Variants in GBP1 observed in about 807,000 individuals in gnomAD.
GBP1 encodes the protein guanylate binding protein 1.
Under a neutral mutation model 69.5 loss-of-function variants are expected in GBP1, and 64 were observed. The observed-to-expected ratio is 0.92, with a 90% CI of 0.75 to 1.13. GBP1 has a LOEUF of 1.13. GBP1 is among the 50% of genes most tolerant of loss of function. GBP1 has a pLI of 0.00. For synonymous variants in GBP1, 250 were observed against 261.2 expected, an observed-to-expected ratio of 0.96 and a Z score of 0.41; for missense variants, 630 against 704.1, an observed-to-expected ratio of 0.89 and a Z score of 1.19.
At position 89,056,201 on chromosome 1, in the gene GBP1, A is replaced by C; in HGVS notation, c.1183T>G (p.Phe395Val). The change falls in exon 8 of 11, where the codon TTT becomes GTT. Residue 395 changes from phenylalanine to valine, a missense_variant. Transcript: ENST00000370473. ...AAQLEKKRDDFCKQNQEASSD... is the reference protein window; with the variant it reads ...AAQLEKKRDDVCKQNQEASSD... Reference sequence around the variant, plus strand: ...GATGCTTCCTGATTCTGTTTACAAAAGTCATCCCGCTTTTTTTCTAGCTGG... The same window carrying C: ...GATGCTTCCTGATTCTGTTTACAAACGTCATCCCGCTTTTTTTCTAGCTGG... The C allele has an allele frequency of 6.2e-7, 1 of 1,614,000 alleles. No homozygotes were observed. The highest frequency in any genetic ancestry group is 1.1e-5 in the South Asian group (1 of 91,076).
Position 89,059,334 on chromosome 1 carries a change from C to T in GBP1, c.411G>A (p.Gln137=), listed in dbSNP as rs752028470. 2 of 1,613,950 alleles carry T rather than the reference C, an allele frequency of 1.2e-6. No homozygotes were observed. Among genetic ancestry groups the T allele is most frequent in the Non-Finnish European group, 1.7e-6 (2 of 1,180,010 alleles). The change falls in exon 4 of 11, where the codon CAG becomes CAA. Residue 137 remains glutamine, a synonymous_variant. Transcript: ENST00000370473. Reference sequence around the variant, plus strand: ...AAGGATACTACAGTTGGTCCATAGCCTGCTGGTTGATGGTTCCTATGCTAT... The same window carrying T: ...AAGGATACTACAGTTGGTCCATAGCTTGCTGGTTGATGGTTCCTATGCTAT... The part of the protein sequence containing the change: ...VYNSIGTINQ[Q]AMDQLYYVTE...
chr1:89,058,520 C>CT (rs1284120222), intron 5 of GBP1: 8 of 516,782 alleles, frequency 1.5e-5, no homozygotes, highest in Middle Eastern at 5.1e-4. Flanking sequence ...ATGTTTTAGT[C>CT]TATGTTCTTT....
At chr1:89,064,524 A>G (rs1334399413) in intron 1 of GBP1, among the ~76,000 whole-genome samples, 2 of 152,054 alleles carry the variant, frequency 1.3e-5, no homozygotes, top group Non-Finnish European at 2.9e-5. Context: ...CTTCTAAGGG[A>G]CAGGGATCAG....
At chr1:89,063,456 A>T (rs181679804) in intron 1 of GBP1, among the ~76,000 whole-genome samples, 1 of 152,354 alleles carries the variant, frequency 6.6e-6, no homozygotes, top group East Asian at 1.9e-4. Flanking sequence ...TGACTTATCA[A>T]CACTCAACTA....
At position 89,060,276 on chromosome 1, in the gene GBP1, A is replaced by C. The variant is rs763435415; in HGVS notation, c.239T>G (p.Met80Arg). The C allele has an allele frequency of 1.2e-4, 191 of 1,603,588 alleles. No homozygotes were observed. Among genetic ancestry groups the C allele is most frequent in the Non-Finnish European group, 1.6e-4 (183 of 1,175,712 alleles). Residue 80 changes from methionine to arginine, a missense_variant, in exon 3 of 11, where the codon ATG becomes AGG. Met to Arg is a moderately conservative substitution (Grantham distance 91). Coordinates refer to ENST00000370473, the MANE Select transcript of GBP1 (RefSeq NM_002053.3). ...TVQSHTKGIW[M>R]WCVPHPKKPG... ...CTTCTTGGGGTGGGGCACACACCACATCCAGATTCCTTTAGTGTGAGACTG... is the reference window on the plus strand; with the variant it reads ...CTTCTTGGGGTGGGGCACACACCACCTCCAGATTCCTTTAGTGTGAGACTG...
chr1:89,056,301 C>A (rs1328500236), intron 7 of GBP1, 73 bp from the exon 8 acceptor site: 6 of 1,610,118 alleles, frequency 3.7e-6, no homozygotes, highest in Non-Finnish European at 5.1e-6. Context: ...ATTTTGGGAA[C>A]GATTTCTGAA....
chr1:89,055,815 A>C (rs1252269151), intron 8 of GBP1: 10 of 643,662 alleles, frequency 1.6e-5, no homozygotes, highest in Non-Finnish European at 2.4e-5. Flanking sequence ...TTTATAACTT[A>C]ATAGTTAATT....
chr1:89,059,525 T>C (rs1365529686), intron 3 of GBP1, 99 bp from the exon 4 acceptor site: 2 of 1,247,868 alleles, frequency 1.6e-6, no homozygotes, highest in Non-Finnish European at 2.2e-6. Context: ...TAGAGGGTTT[T>C]TTTTTCTTTT....
At position 89,058,151 on chromosome 1, in the gene GBP1, C is replaced by A; in HGVS notation, c.715G>T (p.Asp239Tyr). The change falls in exon 6 of 11, where the codon GAT (aspartate) becomes TAT (tyrosine). Residue 239 changes from aspartate (D) to tyrosine (Y), a missense_variant. Asp to Tyr is a radical substitution (Grantham distance 160, BLOSUM62 -3). Transcript: ENST00000370473. ...AGCTTCCTGCGGTGAACGGGCCGAT[C>A]AAAGACAAAGCATTTTTTCTTTGGG... is the stretch of plus-strand genomic sequence containing the variant. ...FFPKKKCFVF[D>Y]RPVHRRKLAQ... 1.9e-6 allele frequency: 3 copies of A among 1,614,042 alleles called. No homozygotes were observed. Among genetic ancestry groups the A allele is most frequent in the Non-Finnish European group, 2.5e-6 (3 of 1,179,956 alleles).
At chr1:89,064,037 A>G (rs1005992438) in intron 1 of GBP1, among the ~76,000 whole-genome samples, 7 of 152,188 alleles carry the variant, frequency 4.6e-5, no homozygotes, top group Non-Finnish European at 8.8e-5. Flanking sequence ...ATCAAGAGGC[A>G]GATAAAGAGA....
At chr1:89,058,293 C>A in intron 5 of GBP1, 59 bp from the exon 6 acceptor site, 2 of 1,401,104 alleles carry the variant, frequency 1.4e-6, no homozygotes, top group Non-Finnish European at 1.9e-6. Context: ...TGTAAAGGGC[C>A]AAATAGTAAA....
chr1:89,064,318 C>T lies in GBP1; in HGVS notation c.-20+842G>A, dbSNP rs190975843. ...GTGATGAATGAGGCTAGTGTCTTGACAAGGCATTCAGGGGAAGACTTTGCA... is the reference window on the plus strand; with the variant it reads ...GTGATGAATGAGGCTAGTGTCTTGATAAGGCATTCAGGGGAAGACTTTGCA... On this transcript the variant is annotated intron_variant, in intron 1 of 10. Transcript: ENST00000370473. Among the ~76,000 whole-genome samples, 14 of 150,028 alleles carry T rather than the reference C, an allele frequency of 9.3e-5. No homozygotes were observed. The East Asian group carries it at 2.8e-3, about 30-fold the overall frequency.
intron 2 of GBP1, among the ~76,000 whole-genome samples, chr1:89,061,443 T>C (rs1294774186): frequency 6.6e-6 from 1 of 152,152 alleles, no homozygotes; most frequent in Admixed American, 6.6e-5. Flanking sequence ...ACAAATGATG[T>C]TGAGGAAATG....
At chr1:89,054,606 C>CCA (rs1679995977) in intron 10 of GBP1, 76 bp downstream of exon 10, 1 of 1,330,716 alleles carries the variant, frequency 7.5e-7, no homozygotes, top group South Asian at 1.3e-5. Context: ...GTTCTCTCTG[C>CCA]CACACTAAGT....
intron 2 of GBP1, among the ~76,000 whole-genome samples, chr1:89,061,800 A>T (rs1342387394): frequency 6.6e-6 from 1 of 152,160 alleles, no homozygotes; most frequent in Non-Finnish European, 1.5e-5. Context: ...AAAAAAATTT[A>T]CAAAGCAACA....
intron 8 of GBP1, 118 bp from the exon 9 acceptor site, chr1:89,055,333 T>C: frequency 6.6e-7 from 1 of 1,515,464 alleles, no homozygotes; most frequent in African/African-American, 1.4e-5. Context: ...CTATTGTCCT[T>C]GGTGGTCAAA....
At position 89,056,124 on chromosome 1, in the gene GBP1, T is replaced by C. The variant is rs200080703; in HGVS notation, c.1260A>G (p.Glu420=). ...LLQVIFSPLE[E]EVKAGIYSKP... ...TCGAATAAATTCCCGCCTTCACTTC[T>C]TCTTCTAGAGGACTGAAAATGACCT... Residue 420 remains glutamate, a synonymous_variant, in exon 8 of 11, where the codon GAA becomes GAG. Transcript: ENST00000370473. The C allele has an allele frequency of 2.5e-5, 41 of 1,613,892 alleles. No individual in the cohort carries two copies. Among genetic ancestry groups the C allele is most frequent in the Non-Finnish European group, 3.3e-5 (39 of 1,179,880 alleles).
chr1:89,055,929 A>C, intron 8 of GBP1, 87 bp downstream of exon 8: 2 of 1,488,574 alleles, frequency 1.3e-6, no homozygotes, highest in East Asian at 2.3e-5. Flanking sequence ...AAAAAAGCAC[A>C]TCTGTATGCA....
Position 89,056,205 on chromosome 1 carries a change from A to C in GBP1, c.1179T>G (p.Asp393Glu). ...CTTCCTGATTCTGTTTACAAAAGTCATCCCGCTTTTTTTCTAGCTGGGCCT... is the reference window on the plus strand; with the variant it reads ...CTTCCTGATTCTGTTTACAAAAGTCCTCCCGCTTTTTTTCTAGCTGGGCCT... ...ELAAQLEKKR[D>E]DFCKQNQEAS... Residue 393 changes from aspartate (D) to glutamate (E), a missense_variant, in exon 8 of 11, where the codon GAT (aspartate) becomes GAG (glutamate). By Grantham distance (45) the Asp-to-Glu change is conservative. Transcript: ENST00000370473. 1 of 1,614,008 alleles carries C rather than the reference A, an allele frequency of 6.2e-7. No homozygotes were observed. The highest frequency in any genetic ancestry group is 8.5e-7 in the Non-Finnish European group (1 of 1,179,870).
Sources: gnomAD v4.1 joint callset for allele counts (sites outside exome capture counted in the v4.1 genomes callset) on GRCh38, gnomAD v4.1.1 for gene constraint, MANE v1.5 for transcripts, NCBI Gene and HGNC (gene_info 2026-07-23, HGNC 2026-07-21) for gene names.